PHF21B: variants seen among roughly 807,000 people sequenced by gnomAD.
PHF21B encodes PHD finger protein 4.
A neutral mutation model predicts 62.2 loss-of-function variants in PHF21B; 22 were observed. The observed-to-expected ratio is 0.35, with a 90% CI of 0.25 to 0.51. The LOEUF (loss-of-function observed/expected upper bound fraction) is 0.51. PHF21B is among the 20% of genes least tolerant of loss of function. The pLI is 0.97. For missense variants in PHF21B, 701 were observed against 707.9 expected (o/e 0.99, Z 0.11); for synonymous variants, 341 against 314.7 (o/e 1.08, Z -0.88).
intron 3 of PHF21B, 148 bp from the exon 4 acceptor site, chr22:44,916,778 G>A: frequency 1.3e-6 from 1 of 778,516 alleles, no homozygotes; most frequent in South Asian, 1.6e-5. Context: ...CACAGCAGGT[G>A]AGACCTCGAC....
chr22:44,921,036 T>C (rs1486274396), intron 2 of PHF21B, among the ~76,000 whole-genome samples: 3 of 152,220 alleles, frequency 2.0e-5, no homozygotes, highest in African/African-American at 7.2e-5. Flanking sequence ...AATATGGGGA[T>C]CCATGGACCA....
At chr22:44,894,482 C>T (rs2071022331) in intron 6 of PHF21B, among the ~76,000 whole-genome samples, 1 of 152,176 alleles carries the variant, frequency 6.6e-6, no homozygotes, top group African/African-American at 2.4e-5. Context: ...GTCCCCACAG[C>T]CCCATGCTGC....
At chr22:44,916,763 G>A (rs981615711) in intron 3 of PHF21B, 133 bp from the exon 4 acceptor site, 4 of 832,666 alleles carry the variant, frequency 4.8e-6, no homozygotes, top group Non-Finnish European at 7.7e-6. Flanking sequence ...CGCCTGTCAC[G>A]GCCTCACAGC....
At chr22:44,902,301 T>C (rs2071173916) in intron 5 of PHF21B, 1 of 300,976 alleles carries the variant, frequency 3.3e-6, no homozygotes, top group South Asian at 3.9e-5. Flanking sequence ...CAGCGCAAGG[T>C]TGATCATCAA....
chr22:44,959,591 G>T (rs1291390447), intron 2 of PHF21B, among the ~76,000 whole-genome samples: 1 of 152,242 alleles, frequency 6.6e-6, no homozygotes, highest in Non-Finnish European at 1.5e-5. Flanking sequence ...GAGGAAGCCA[G>T]TGATGGGGAA....
intron 2 of PHF21B, among the ~76,000 whole-genome samples, chr22:44,962,848 C>T (rs2072451719): frequency 6.6e-6 from 1 of 152,106 alleles, no homozygotes; most frequent in Non-Finnish European, 1.5e-5. Flanking sequence ...GAAGACTCAG[C>T]CCCGATGCAT....
rs551771403 is a variant in PHF21B, at chr22:44,968,263, C to A, written c.120+40282G>T. Among the ~76,000 whole-genome samples the A allele has an allele frequency of 5.3e-5, 8 of 152,262 alleles. No homozygotes were observed. In the South Asian group the frequency reaches 1.5e-3, roughly 28 times the overall value. ...TCTCGTCTTTATTCATTTATTGAAT[C>A]ATTTATTTGCATCAGCAGGGACTAA... is the stretch of plus-strand genomic sequence containing the variant. On this transcript the variant is annotated intron_variant, in intron 2 of 12. Coordinates refer to ENST00000313237, the MANE Select transcript of PHF21B (RefSeq NM_138415.5).
At chr22:44,922,102 C>T (rs1226828057) in intron 2 of PHF21B, among the ~76,000 whole-genome samples, 2 of 152,174 alleles carry the variant, frequency 1.3e-5, no homozygotes, top group East Asian at 1.9e-4. Context: ...TGCAGAAATT[C>T]TTAACAGAAT....
At chr22:44,979,102 T>C (rs1225398395) in intron 2 of PHF21B, among the ~76,000 whole-genome samples, 3 of 152,222 alleles carry the variant, frequency 2.0e-5, no homozygotes, top group Non-Finnish European at 4.4e-5. Context: ...CTCAGGCAGC[T>C]CCAGCTGCAG....
chr22:44,936,318 G>C (rs1241768259), intron 2 of PHF21B, among the ~76,000 whole-genome samples: 1 of 152,228 alleles, frequency 6.6e-6, no homozygotes, highest in Non-Finnish European at 1.5e-5. Context: ...TCTGAAGGCG[G>C]CTCCTTGTAG....
At chr22:44,992,778 T>G (rs1008852915) in intron 2 of PHF21B, among the ~76,000 whole-genome samples, 1 of 151,754 alleles carries the variant, frequency 6.6e-6, no homozygotes, top group Non-Finnish European at 1.5e-5. Flanking sequence ...AGGACGGGAG[T>G]GGCGACCTGA....
intron 2 of PHF21B, among the ~76,000 whole-genome samples, chr22:44,974,409 TAAA>T (rs77760918): frequency 7.4e-6 from 1 of 135,102 alleles, no homozygotes; most frequent in East Asian, 2.1e-4. Flanking sequence ...GACCCTGTCT[TAAA>T]AAAAAAAAAA....
intron 2 of PHF21B, among the ~76,000 whole-genome samples, chr22:44,927,956 G>A (rs537178069): frequency 1.3e-5 from 2 of 152,278 alleles, no homozygotes; most frequent in East Asian, 3.9e-4. Flanking sequence ...CTGAGTCTGG[G>A]GCGGGGCGGG....
At chr22:44,939,016 C>T (rs1339420849) in intron 2 of PHF21B, among the ~76,000 whole-genome samples, 2 of 152,368 alleles carry the variant, frequency 1.3e-5, no homozygotes, top group East Asian at 3.9e-4. Flanking sequence ...CTGGGCTGCA[C>T]ACACACGGCG....
intron 2 of PHF21B, among the ~76,000 whole-genome samples, chr22:44,980,516 A>G (rs1252239148): frequency 6.6e-6 from 1 of 152,228 alleles, no homozygotes; most frequent in Non-Finnish European, 1.5e-5. Context: ...GAGCCAGCCC[A>G]TAAGTAAAAC....
intron 10 of PHF21B, among the ~76,000 whole-genome samples, chr22:44,887,044 T>C (rs916902674): frequency 5.3e-5 from 8 of 150,758 alleles, no homozygotes; most frequent in African/African-American, 2.0e-4. Flanking sequence ...TAATCCCAGC[T>C]ACTTGGGAGG....
At chr22:44,887,208 C>A (rs1250235388) in intron 10 of PHF21B, among the ~76,000 whole-genome samples, 3 of 150,178 alleles carry the variant, frequency 2.0e-5, no homozygotes, top group African/African-American at 7.4e-5. Context: ...TATGACCACA[C>A]AAGTCATGCA....
intron 2 of PHF21B, chr22:45,001,816 G>C (rs957929771): frequency 2.6e-5 from 4 of 152,224 alleles, no homozygotes; most frequent in Non-Finnish European, 4.4e-5. Context: ...TGTGTGAGAA[G>C]GTGTTTACCC....
At chr22:44,979,795 T>C (rs879633833) in intron 2 of PHF21B, among the ~76,000 whole-genome samples, 2 of 152,040 alleles carry the variant, frequency 1.3e-5, no homozygotes, top group Non-Finnish European at 2.9e-5. Flanking sequence ...AATATAAAAG[T>C]AACCATTTCA....
Sources: gnomAD v4.1 joint callset for allele counts (sites outside exome capture counted in the v4.1 genomes callset) on GRCh38, gnomAD v4.1.1 for gene constraint, MANE v1.5 for transcripts, NCBI Gene and HGNC (gene_info 2026-07-23, HGNC 2026-07-21) for gene names.